Variants in ANKMY1 observed in about 807,000 individuals in gnomAD.
The protein encoded by ANKMY1 is ankyrin repeat and MYND domain-containing protein 1.
Under a neutral mutation model 102.0 loss-of-function variants are expected in ANKMY1, and 98 were observed. The observed-to-expected ratio is 0.96, with a 90% CI of 0.82 to 1.14. The LOEUF is 1.14. ANKMY1 is among the 50% of genes most tolerant of loss of function. The probability of loss-of-function intolerance (pLI) is 0.00; values close to 1 mark genes in which losing one functional copy is unlikely to be tolerated. For synonymous variants in ANKMY1, 582 were observed against 559.9 expected (o/e 1.04, Z -0.56); for missense variants, 1,330 against 1,347.6 (o/e 0.99, Z 0.20).
intron 15 of ANKMY1, among the ~76,000 whole-genome samples, chr2:240,492,248 T>C (rs749594160): frequency 6.6e-6 from 1 of 152,170 alleles, no homozygotes; most frequent in Non-Finnish European, 1.5e-5. Flanking sequence ...CCACTTGGCC[T>C]CCCAAAGCAC....
intron 13 of ANKMY1, 78 bp downstream of exon 13, chr2:240,507,482 C>T: frequency 1.3e-6 from 2 of 1,506,212 alleles, no homozygotes; most frequent in Non-Finnish European, 1.8e-6. Flanking sequence ...GCCACCCAGC[C>T]CTCACACCCC....
Position 240,557,272 on chromosome 2 carries a change from G to A in ANKMY1, c.64C>T (p.Arg22Cys), listed in dbSNP as rs746627293. ...DEVSGAGSRQ[R>C]PLEGKGGETP... is the part of the protein sequence containing the mutation. ...TCGCCGCCCTTCCCCTCTAGCGGGC[G>A]TTGGCGGCTGCCAGCCCCAGAGACT... Residue 22 changes from arginine (R) to cysteine (C), a missense_variant, in exon 2 of 18, where the codon CGC becomes TGC. Arg to Cys is a radical substitution (Grantham distance 180). Transcript: ENST00000401804. 4 of 1,593,696 alleles carry A rather than the reference G, an allele frequency of 2.5e-6. No homozygotes were observed. Among genetic ancestry groups the A allele is most frequent in the African/African-American group, 1.4e-5 (1 of 74,068 alleles).
chr2:240,561,032 G>A (rs780978886), upstream of ANKMY1: 30 of 1,533,260 alleles, frequency 2.0e-5, no homozygotes, highest in East Asian at 4.3e-4. Flanking sequence ...TCTGCACCGC[G>A]TACCTCATGC....
At chr2:240,522,093 TC>T (rs1174008640) in intron 8 of ANKMY1, 6 of 152,182 alleles carry the variant, frequency 3.9e-5, no homozygotes, top group African/African-American at 1.4e-4. Flanking sequence ...TGCTGACTGG[TC>T]CATTTTACAG....
intron 15 of ANKMY1, among the ~76,000 whole-genome samples, chr2:240,489,004 G>A (rs1017767019): frequency 8.5e-5 from 13 of 152,262 alleles, no homozygotes; most frequent in African/African-American, 3.1e-4. Flanking sequence ...CCAGTACTAG[G>A]TTGAATGGGA....
intron 9 of ANKMY1, chr2:240,519,748 AC>A (rs1364899850): frequency 9.9e-6 from 2 of 202,344 alleles, no homozygotes; most frequent in Admixed American, 1.1e-4. Flanking sequence ...CAGCAGAAAC[AC>A]TAAACTTTCT....
At chr2:240,512,106 C>A in intron 10 of ANKMY1, 105 bp from the exon 11 acceptor site, 1 of 1,350,056 alleles carries the variant, frequency 7.4e-7, no homozygotes, top group South Asian at 1.6e-5. Context: ...GGTCTGGAGT[C>A]TCACCCTGCG....
In ANKMY1 at chr2:240,499,941, C is replaced by A; in HGVS notation, c.2806+17G>T. The A allele has an allele frequency of 6.2e-7, 1 of 1,607,268 alleles. No individual in the cohort carries two copies. Among genetic ancestry groups the A allele is most frequent in the South Asian group, 1.1e-5 (1 of 90,362 alleles). On this transcript the variant is annotated intron_variant, in intron 15 of 17. Coordinates refer to ENST00000401804, the MANE Select transcript of ANKMY1 (RefSeq NM_001282771.3). This position sits in a 1 kb window ranked among gnomAD's most constrained non-coding sequence, Gnocchi z 4.2. ...CGCCGCCCTGTGGAGCAGAGCAGAG[C>A]AGGGCCCACTGCTCACCTCTCTTGC...
intron 15 of ANKMY1, among the ~76,000 whole-genome samples, chr2:240,485,553 T>G (rs1366147729): frequency 6.6e-6 from 1 of 152,094 alleles, no homozygotes; most frequent in Admixed American, 6.5e-5. Context: ...CTTTCCTTAG[T>G]GGTCACATCA....
Position 240,499,287 on chromosome 2 carries a change from G to T in ANKMY1, c.2806+671C>A, listed in dbSNP as rs928577248. On this transcript the variant is annotated intron_variant, in intron 15 of 17. Coordinates refer to ENST00000401804, the MANE Select transcript of ANKMY1 (RefSeq NM_001282771.3). This position sits in a 1 kb window ranked among gnomAD's most constrained non-coding sequence, Gnocchi z 4.2. ...TGTGTGTGGATGTGTAAGTGGGTCTGTGTGTGCGAGGTAGACAAGAGTAGG... is the reference window on the plus strand; with the variant it reads ...TGTGTGTGGATGTGTAAGTGGGTCTTTGTGTGCGAGGTAGACAAGAGTAGG... Among the ~76,000 whole-genome samples, 4 of 150,952 alleles carry T rather than the reference G, an allele frequency of 2.6e-5. No homozygotes were observed. The highest frequency in any genetic ancestry group is 9.7e-5 in the African/African-American group (4 of 41,038).
the ANKMY1 span, among the ~76,000 whole-genome samples, chr2:240,471,471 C>A: frequency 1.3e-5 from 2 of 151,978 alleles, no homozygotes; most frequent in Non-Finnish European, 2.9e-5. Flanking sequence ...ACCCTGAGAA[C>A]TTTAGATGAC....
rs1039588784 is a variant in ANKMY1, at chr2:240,534,620, A to G, written c.481-5111T>C. ...CTGTGTCAAAGATGATCACTTCATC[A>G]TAATAATAGATTCAACCTACAGGGA... On this transcript the variant is annotated intron_variant, in intron 4 of 17. Transcript: ENST00000401804. Among the ~76,000 whole-genome samples, 6 of 152,230 alleles carry G rather than the reference A, an allele frequency of 3.9e-5. No homozygotes were observed. The South Asian group carries it at 1.0e-3, about 26-fold the overall frequency.
At chr2:240,535,749 A>C (rs1030690847) in intron 4 of ANKMY1, among the ~76,000 whole-genome samples, 3 of 152,162 alleles carry the variant, frequency 2.0e-5, no homozygotes, top group African/African-American at 7.2e-5. Context: ...GAATTTGGGC[A>C]AGATTTTTAA....
chr2:240,488,447 A>G (rs2151908462), intron 15 of ANKMY1, among the ~76,000 whole-genome samples: 1 of 152,142 alleles, frequency 6.6e-6, no homozygotes, highest in East Asian at 1.9e-4. Flanking sequence ...TGCTTTGGCT[A>G]TTTGGGATTT....
intron 15 of ANKMY1, among the ~76,000 whole-genome samples, chr2:240,488,210 C>T (rs2076274190): frequency 6.6e-6 from 1 of 152,212 alleles, no homozygotes; most frequent in South Asian, 2.1e-4. Context: ...TTTCCCAGCA[C>T]CATTTACTGA....
At chr2:240,550,481 T>A (rs1480971382) in intron 4 of ANKMY1, among the ~76,000 whole-genome samples, 1 of 151,946 alleles carries the variant, frequency 6.6e-6, no homozygotes, top group Non-Finnish European at 1.5e-5. Context: ...ACCTGCACAT[T>A]GTGCACATGT....
chr2:240,560,942 C>T, upstream of ANKMY1: 2 of 1,534,004 alleles, frequency 1.3e-6, no homozygotes, highest in Admixed American at 2.0e-5. Context: ...AGCCCACGTG[C>T]GCCGCCATGG....
At chr2:240,532,220 G>A (rs1004700143) in intron 4 of ANKMY1, 2 of 383,152 alleles carry the variant, frequency 5.2e-6, no homozygotes, top group Non-Finnish European at 1.1e-5. Flanking sequence ...GCTGACAGCT[G>A]ACTTCTCAAC....
downstream of ANKMY1, among the ~76,000 whole-genome samples, chr2:240,477,963 C>T (rs2074966532): frequency 6.6e-6 from 1 of 152,142 alleles, no homozygotes; most frequent in South Asian, 2.1e-4. Flanking sequence ...GGATCTATGT[C>T]TCTGCCCAAA....
Sources: allele counts gnomAD v4.1 joint callset (sites outside exome capture counted in the v4.1 genomes callset), GRCh38; gene constraint gnomAD v4.1.1; non-coding constraint Gnocchi (gnomAD v3.1); transcripts MANE v1.5; gene names NCBI Gene and HGNC (gene_info 2026-07-23, HGNC 2026-07-21).